The following NREP variants were observed in gnomAD, a reference collection of about 807,000 sequenced individuals.
The protein encoded by NREP is neuronal regeneration related protein.
In NREP, 5 loss-of-function variants were observed where a neutral mutation model predicts 8.6. That is an observed-to-expected ratio of 0.58 (90% CI 0.30 to 1.22). The LOEUF is 1.22. Among genes scored for constraint, NREP ranks in the 50% most tolerant of loss-of-function variants. The pLI is 0.07. For missense variants in NREP, 86 were observed against 82.5 expected (o/e 1.04, Z -0.17); for synonymous variants, 27 against 28.0 (o/e 0.96, Z 0.11).
chr5:111,838,983 G>C (rs1581155801), intron 2 of NREP, among the ~76,000 whole-genome samples: 1 of 151,862 alleles, frequency 6.6e-6, no homozygotes, highest in African/African-American at 2.4e-5. Context: ...GTTTCAATGG[G>C]GGAAAATGTC....
At position 111,730,686 on chromosome 5, in the gene NREP, G is replaced by C; in HGVS notation, c.*235C>G. On this transcript the variant is annotated 3_prime_UTR_variant, in exon 4 of 4. Transcript: ENST00000257435. ...ACCAGGCCTGAAGGCCCACCTGTAA[G>C]GGTTGTAAACGTGGATTCACAGTGT... The C allele has an allele frequency of 2.3e-6, 1 of 443,188 alleles. No homozygotes were observed. 27.5% of individuals were successfully genotyped at this position (443,188 alleles called of 1,614,324 possible). A position where few individuals can be genotyped will look rare whatever the true frequency, so the allele number is the denominator to read the frequency against.
chr5:111,960,992 C>T (rs1195655228), intron 2 of NREP, among the ~76,000 whole-genome samples: 1 of 152,132 alleles, frequency 6.6e-6, no homozygotes. Flanking sequence ...AAAATGTTGA[C>T]ATGGTATGGC....
At chr5:111,800,497 T>G (rs1751979655) in intron 2 of NREP, among the ~76,000 whole-genome samples, 1 of 152,256 alleles carries the variant, frequency 6.6e-6, no homozygotes, top group Admixed American at 6.5e-5. Flanking sequence ...GAATCTGTTT[T>G]ACAGCGGAGT....
chr5:111,839,853 T>G (rs1274394014), intron 2 of NREP, among the ~76,000 whole-genome samples: 2 of 152,096 alleles, frequency 1.3e-5, no homozygotes, highest in Admixed American at 6.6e-5. Context: ...TTTATCTTAT[T>G]TGAACCTCAT....
rs79442771 is a variant in NREP at position 111,930,884 on chromosome 5, C to T, written c.135+44390G>A. ...GTCTTCCAGGAAAGGTTTCCTTACT[C>T]AAAAATAATGTCACAATGAAGACAC... On this transcript the variant is annotated intron_variant, in intron 2 of 3. Coordinates refer to the NREP transcript ENST00000395634. 4.7e-3 allele frequency among the ~76,000 whole-genome samples: 722 copies of T among 152,182 alleles called. 4 individuals are homozygous for T. The highest frequency in any genetic ancestry group is 5.6e-3 in the Non-Finnish European group (378 of 67,994).
chr5:111,954,941 C>T (rs576552418), intron 2 of NREP, among the ~76,000 whole-genome samples: 1 of 152,256 alleles, frequency 6.6e-6, no homozygotes, highest in South Asian at 2.1e-4. Context: ...AGGAAGAATG[C>T]TAAAAAGAGC....
chr5:111,741,830 C>CACAG lies in NREP; in HGVS notation c.4-6324_4-6323insCTGT, dbSNP rs1561638719. 1.4e-3 allele frequency among the ~76,000 whole-genome samples: 201 copies of CACAG among 148,576 alleles called. 1 individual carries two copies. Among genetic ancestry groups the CACAG allele is most frequent in the African/African-American group, 4.5e-3 (183 of 40,230 alleles). Reference sequence around the variant, plus strand: ...CCTAATTTAAACACACACATACACACACACACACACACACACACACACACA... The same window carrying CACAG: ...CCTAATTTAAACACACACATACACACACAGACACACACACACACACACACACACA... On this transcript the variant is annotated intron_variant, in intron 2 of 3. Transcript: ENST00000257435.
At chr5:111,815,816 G>C (rs1350164641) in intron 2 of NREP, among the ~76,000 whole-genome samples, 1 of 152,096 alleles carries the variant, frequency 6.6e-6, no homozygotes, top group African/African-American at 2.4e-5. Flanking sequence ...ACAGGTCCAA[G>C]AAACCCCATG....
intron 2 of NREP, among the ~76,000 whole-genome samples, chr5:111,813,227 G>T (rs1236851374): frequency 6.6e-6 from 1 of 152,124 alleles, no homozygotes; most frequent in Non-Finnish European, 1.5e-5. Flanking sequence ...TCTTGATGGT[G>T]ATTTCATCTA....
intron 2 of NREP, among the ~76,000 whole-genome samples, chr5:111,876,860 T>A (rs182435600): frequency 6.6e-6 from 1 of 152,324 alleles, no homozygotes; most frequent in East Asian, 1.9e-4. Flanking sequence ...AAATCTATTC[T>A]ATAAATGAAG....
chr5:111,816,174 T>G lies in NREP; in HGVS notation c.136-80667A>C, dbSNP rs568134958. Reference sequence around the variant, plus strand: ...TTAAAAATATATTTCCAAAAAAAAGTTTTTGAATAAGAGATAGAGACTTTT... The same window carrying G: ...TTAAAAATATATTTCCAAAAAAAAGGTTTTGAATAAGAGATAGAGACTTTT... On this transcript the variant is annotated intron_variant, in intron 2 of 3. Transcript: ENST00000395634. Among the ~76,000 whole-genome samples, 11 of 152,114 alleles carry G rather than the reference T, an allele frequency of 7.2e-5. No homozygotes were observed. The East Asian group carries it at 1.9e-3, about 27-fold the overall frequency.
chr5:111,919,214 A>C (rs1265337537), intron 2 of NREP, among the ~76,000 whole-genome samples: 1 of 152,204 alleles, frequency 6.6e-6, no homozygotes, highest in Non-Finnish European at 1.5e-5. Context: ...ATCATTAGCA[A>C]GTCAGGAAAC....
chr5:111,804,844 A>G (rs1290846997), intron 2 of NREP, among the ~76,000 whole-genome samples: 1 of 152,160 alleles, frequency 6.6e-6, no homozygotes, highest in African/African-American at 2.4e-5. Context: ...TACTAAAAAT[A>G]CAAAAAATTA....
chr5:111,912,653 A>G (rs907887842), intron 2 of NREP: 2 of 152,084 alleles, frequency 1.3e-5, no homozygotes, highest in Non-Finnish European at 2.9e-5. Flanking sequence ...TAGGCTAATA[A>G]CTGAAGACAG....
intron 2 of NREP, among the ~76,000 whole-genome samples, chr5:111,822,872 C>T (rs893554059): frequency 6.6e-6 from 1 of 152,090 alleles, no homozygotes; most frequent in Admixed American, 6.5e-5. Context: ...TGGAGAACAT[C>T]AACATATCAC....
At chr5:111,745,139 A>G (rs1749921621) in intron 2 of NREP, among the ~76,000 whole-genome samples, 1 of 152,152 alleles carries the variant, frequency 6.6e-6, no homozygotes, top group Non-Finnish European at 1.5e-5. Flanking sequence ...ATGTTACCAC[A>G]AGGAAGAAAT....
chr5:111,885,043 T>C (rs2112522928), intron 2 of NREP, among the ~76,000 whole-genome samples: 1 of 152,316 alleles, frequency 6.6e-6, no homozygotes, highest in African/African-American at 2.4e-5. Flanking sequence ...TTGTCCCTGT[T>C]TGCAGATGAC....
rs1263300196 is a variant in NREP at position 111,731,271 on chromosome 5, C to T, written c.82-225G>A. Among the ~76,000 whole-genome samples the T allele has an allele frequency of 2.6e-5, 4 of 152,226 alleles. No individual in the cohort carries two copies. The East Asian group carries it at 7.7e-4, about 29-fold the overall frequency. On this transcript the variant is annotated intron_variant, in intron 3 of 3. Coordinates refer to ENST00000257435, the MANE Select transcript of NREP (RefSeq NM_004772.4). ...AGTAATTAAACACTGGCCACCTTTG[C>T]TTCAGTAGAATGAAGTGCTTCTGTT...
At chr5:111,814,352 A>G (rs1386950223) in intron 2 of NREP, among the ~76,000 whole-genome samples, 1 of 152,150 alleles carries the variant, frequency 6.6e-6, no homozygotes, top group Non-Finnish European at 1.5e-5. Flanking sequence ...GACATTTCTT[A>G]TTCATCTTTG....
Sources: gnomAD v4.1 joint callset for allele counts (sites outside exome capture counted in the v4.1 genomes callset) on GRCh38, gnomAD v4.1.1 for gene constraint, MANE v1.5 for transcripts, NCBI Gene and HGNC (gene_info 2026-07-23, HGNC 2026-07-21) for gene names.